Variants in CFAP47 observed in about 807,000 individuals in gnomAD.
CFAP47 encodes the protein cilia- and flagella-associated protein 47.
Under a neutral mutation model 148.1 loss-of-function variants are expected in CFAP47, and 29 were observed. The observed-to-expected ratio is 0.20, with a 90% CI of 0.15 to 0.27. The LOEUF (loss-of-function observed/expected upper bound fraction) is 0.27, where lower values mean the gene tolerates loss of function less well. CFAP47 is among the 10% of genes least tolerant of loss of function. The pLI, the probability that CFAP47 is intolerant of heterozygous loss-of-function variation, is 1.00. For missense variants in CFAP47, 1,872 were observed against 1,697.5 expected, an observed-to-expected ratio of 1.10 and a Z score of -1.81; for synonymous variants, 664 against 577.3, an observed-to-expected ratio of 1.15 and a Z score of -2.15.
intron 60 of CFAP47, among the ~76,000 whole-genome samples, chrX:36,358,501 A>G (rs1430530991): frequency 8.9e-6 from 1 of 111,929 alleles, no homozygotes; most frequent in Admixed American, 9.5e-5. Flanking sequence ...GTGCCATATG[A>G]CAAACCTGCT....
intron 1 of CFAP47, among the ~76,000 whole-genome samples, chrX:35,924,131 G>GCGTACA (rs1569201328): frequency 2.0e-5 from 2 of 99,520 alleles, no homozygotes; most frequent in African/African-American, 8.0e-5. Flanking sequence ...GTACATATAT[G>GCGTACA]TATATGTGTA....
chrX:36,285,828 G>T (rs1602090803), intron 51 of CFAP47, 102 bp downstream of exon 51: 2 of 588,394 alleles, frequency 3.4e-6, no homozygotes, highest in East Asian at 8.0e-5. Context: ...GTCTGTATCA[G>T]ATGATTGTAT....
intron 63 of CFAP47, among the ~76,000 whole-genome samples, chrX:36,384,381 TG>T (rs1556024730): frequency 8.9e-6 from 1 of 111,876 alleles, no homozygotes; most frequent in African/African-American, 3.2e-5. Context: ...TAGTTATACA[TG>T]CTATGTACTT....
At chrX:36,379,198 A>T (rs1304236818) in intron 62 of CFAP47, among the ~76,000 whole-genome samples, 152 bp from the exon 63 acceptor site, 4 of 112,509 alleles carry the variant, frequency 3.6e-5, no homozygotes, top group African/African-American at 1.3e-4. Flanking sequence ...AATTTTTTTT[A>T]AAATGCCTCC....
At chrX:35,937,673 A>C (rs1333258382) in intron 2 of CFAP47, among the ~76,000 whole-genome samples, 1 of 110,879 alleles carries the variant, frequency 9.0e-6, no homozygotes, top group Non-Finnish European at 1.9e-5. Context: ...CTATAATCTA[A>C]ATTGTATATA....
chrX:36,231,534 C>G (rs1416014768), intron 46 of CFAP47, among the ~76,000 whole-genome samples: 29 of 110,887 alleles, frequency 2.6e-4, no homozygotes, highest in South Asian at 1.6e-3. Flanking sequence ...GGGTTTTCTA[C>G]GTATACAATC....
chrX:36,064,045 T>C (rs1261839326), intron 26 of CFAP47, among the ~76,000 whole-genome samples: 1 of 112,263 alleles, frequency 8.9e-6, no homozygotes, highest in Non-Finnish European at 1.9e-5. Flanking sequence ...TGGTCTTTTT[T>C]TCCTTCTGTA....
At chrX:36,047,167 T>C (rs1937476842) in intron 26 of CFAP47, 104 bp downstream of exon 26, 1 of 570,118 alleles carries the variant, frequency 1.8e-6, no homozygotes, top group African/African-American at 2.3e-5. Flanking sequence ...TCTAATATAA[T>C]AACCTTGGAC....
chrX:36,335,625 G>T (rs1941598949), intron 57 of CFAP47, among the ~76,000 whole-genome samples: 2 of 111,484 alleles, frequency 1.8e-5, no homozygotes, highest in African/African-American at 6.5e-5. Flanking sequence ...TCCCATGACA[G>T]CTGGTTGTTA....
chrX:36,171,209 A>T (rs945709348), intron 39 of CFAP47, among the ~76,000 whole-genome samples: 3 of 106,269 alleles, frequency 2.8e-5, no homozygotes, highest in Non-Finnish European at 5.8e-5. Context: ...CCTTTGTCAG[A>T]TGAGTAGGTT....
At chrX:35,925,651 A>T (rs2146614354) in intron 1 of CFAP47, among the ~76,000 whole-genome samples, 1 of 111,891 alleles carries the variant, frequency 8.9e-6, no homozygotes, top group Admixed American at 9.4e-5. Flanking sequence ...ATAGTTGCTA[A>T]CGTTATTTAT....
chrX:36,236,643 T>A lies in CFAP47; in HGVS notation c.7159-43T>A, dbSNP rs186528140. On this transcript the variant is annotated intron_variant, in intron 47 of 63. Coordinates refer to ENST00000378653, the MANE Select transcript of CFAP47 (RefSeq NM_001304548.2). The stretch of plus-strand genomic sequence containing the variant: ...GATAGCAGAGGTTGTTTAACATTTA[T>A]CTATGACTCCTATAGACCTGAAATT... 3.0e-3 allele frequency: 1,498 copies of A among 500,661 alleles called. 15 individuals carry two copies. In the African/African-American group the frequency reaches 0.031, roughly 10 times the overall value. The allele number at this position is 500,661 out of a possible 1,213,427, so 41.3% of individuals were successfully genotyped here. A position where few individuals can be genotyped will look rare whatever the true frequency, so the allele number is the denominator to read the frequency against.
intron 63 of CFAP47, among the ~76,000 whole-genome samples, chrX:36,380,917 C>G (rs111648301): frequency 2.0e-4 from 22 of 111,860 alleles, no homozygotes; most frequent in African/African-American, 6.8e-4. Flanking sequence ...CCTGATTTCT[C>G]TGTGTTGATT....
At chrX:36,144,570 A>G (rs867595567) in intron 35 of CFAP47, 1 of 1,010,945 alleles carries the variant, frequency 9.9e-7, no homozygotes, top group Admixed American at 2.6e-5. Flanking sequence ...GGTGTGTCTG[A>G]GGGTGTTTCC....
intron 3 of CFAP47, among the ~76,000 whole-genome samples, chrX:35,944,464 A>T (rs1457120224): frequency 8.9e-6 from 1 of 111,976 alleles, no homozygotes; most frequent in Non-Finnish European, 1.9e-5. Flanking sequence ...GGAACCTGTT[A>T]AATCCATATG....
intron 49 of CFAP47, among the ~76,000 whole-genome samples, chrX:36,269,612 G>A (rs1160475952): frequency 2.7e-5 from 3 of 112,173 alleles, no homozygotes; most frequent in Non-Finnish European, 5.6e-5. Context: ...GAAGGGATGG[G>A]CATAATTTCT....
At chrX:36,039,571 C>G (rs182634639) in intron 25 of CFAP47, among the ~76,000 whole-genome samples, 1 of 112,345 alleles carries the variant, frequency 8.9e-6, no homozygotes, top group Non-Finnish European at 1.9e-5. Flanking sequence ...GCTGTCTTAG[C>G]TGCATCCTCT....
At chrX:36,349,859 T>C (rs1331586896) in intron 58 of CFAP47, among the ~76,000 whole-genome samples, 179 bp from the exon 59 acceptor site, 1 of 112,055 alleles carries the variant, frequency 8.9e-6, no homozygotes, top group Non-Finnish European at 1.9e-5. Context: ...CAGGGTTTGC[T>C]TTGAAATGTT....
intron 60 of CFAP47, among the ~76,000 whole-genome samples, 167 bp from the exon 61 acceptor site, chrX:36,361,163 C>T (rs782671174): frequency 1.8e-5 from 2 of 111,225 alleles, no homozygotes; most frequent in South Asian, 7.5e-4. Context: ...TACTGAGTAT[C>T]ATTATATGCC....
Sources: gnomAD v4.1 joint callset for allele counts (sites outside exome capture counted in the v4.1 genomes callset) on GRCh38, gnomAD v4.1.1 for gene constraint, MANE v1.5 for transcripts, NCBI Gene and HGNC (gene_info 2026-07-23, HGNC 2026-07-21) for gene names.